IL6R: variants seen among roughly 807,000 people sequenced by gnomAD.
IL6R encodes interleukin-6 receptor subunit alpha.
IL6R carries 38 observed loss-of-function variants against 48.3 expected under a neutral mutation model. That is an observed-to-expected ratio of 0.79 (90% CI 0.61 to 1.03). The LOEUF is 1.03. Among genes scored for constraint, IL6R ranks in the 50% least tolerant of loss-of-function variants. The probability of loss-of-function intolerance (pLI) is 0.00; values close to 1 mark genes in which losing one functional copy is unlikely to be tolerated. For synonymous variants in IL6R, 264 were observed against 256.2 expected (o/e 1.03, Z -0.29); for missense variants, 534 against 618.3 (o/e 0.86, Z 1.45).
intron 1 of IL6R, chr1:154,414,730 G>T: frequency 1.2e-6 from 1 of 809,988 alleles, no homozygotes; most frequent in Non-Finnish European, 2.2e-6. Flanking sequence ...CAGGGACACA[G>T]GGTTTTTGGT....
intron 6 of IL6R, among the ~76,000 whole-genome samples, chr1:154,447,016 C>G (rs533398125): frequency 1.3e-5 from 2 of 152,296 alleles, no homozygotes; most frequent in East Asian, 1.9e-4. Flanking sequence ...TGGCACACGC[C>G]TGTAGTCCCA....
chr1:154,429,709 C>A (rs1689184002), intron 2 of IL6R, among the ~76,000 whole-genome samples: 1 of 152,114 alleles, frequency 6.6e-6, no homozygotes, highest in Non-Finnish European at 1.5e-5. Context: ...CGGAGTCAGG[C>A]AGCCTGGGTT....
chr1:154,413,143 A>G (rs954654321), intron 1 of IL6R, among the ~76,000 whole-genome samples: 1 of 152,022 alleles, frequency 6.6e-6, no homozygotes, highest in Non-Finnish European at 1.5e-5. Flanking sequence ...CTGGGATTAC[A>G]GGCATGCACC....
rs146425297 is a variant in IL6R, at chr1:154,448,245, G to T, written c.996+74G>T. On this transcript the variant is annotated intron_variant, in intron 7 of 9. Coordinates refer to ENST00000368485, the MANE Select transcript of IL6R (RefSeq NM_000565.4). ...TAGGAGTGTGGGCTGATGCCAGACC[G>T]AATTTGGTTTAAATCCAGTTCTGTC... The T allele has an allele frequency of 5.0e-4, 620 of 1,249,598 alleles. 1 individual carries two copies. In the African/African-American group the frequency reaches 7.8e-3, roughly 16 times the overall value. 77.4% of individuals were successfully genotyped at this position (1,249,598 alleles called of 1,614,324 possible).
chr1:154,409,222 A>G (rs1570912796), intron 1 of IL6R, among the ~76,000 whole-genome samples: 2 of 152,222 alleles, frequency 1.3e-5, no homozygotes, highest in Admixed American at 6.5e-5. Flanking sequence ...TCACATTGCT[A>G]GTGGCTACTG....
chr1:154,439,258 A>G (rs1689803052), intron 6 of IL6R, among the ~76,000 whole-genome samples: 1 of 152,208 alleles, frequency 6.6e-6, no homozygotes, highest in Non-Finnish European at 1.5e-5. Context: ...GCTTTTTTAT[A>G]AAGTTTCTTC....
chr1:154,448,062 G>T, intron 6 of IL6R, 63 bp from the exon 7 acceptor site: 1 of 1,315,822 alleles, frequency 7.6e-7, no homozygotes, highest in Non-Finnish European at 1.1e-6. Context: ...TGATGCTGAA[G>T]CCCCTGAGAC....
In IL6R at chr1:154,442,441, G is replaced by A. The variant is rs571581900; in HGVS notation, c.950-5684G>A. 7.2e-5 allele frequency among the ~76,000 whole-genome samples: 11 copies of A among 152,314 alleles called. No individual in the cohort carries two copies. The East Asian group carries it at 1.9e-3, about 27-fold the overall frequency. On this transcript the variant is annotated intron_variant, in intron 6 of 9. Transcript: ENST00000368485. Reference sequence around the variant, plus strand: ...GAGAGCTGCTTGGTGAGGCCGACACGTGTGTGGGTGGGTGGTCTGAGTGGG... The same window carrying A: ...GAGAGCTGCTTGGTGAGGCCGACACATGTGTGGGTGGGTGGTCTGAGTGGG...
At chr1:154,419,863 G>C (rs921795373) in intron 1 of IL6R, among the ~76,000 whole-genome samples, 3 of 152,234 alleles carry the variant, frequency 2.0e-5, no homozygotes, top group Admixed American at 6.5e-5. Context: ...CAACAAAGCT[G>C]TTTGGATTCC....
chr1:154,406,146 C>T (rs1012551898), intron 1 of IL6R, among the ~76,000 whole-genome samples: 1 of 152,220 alleles, frequency 6.6e-6, no homozygotes, highest in Non-Finnish European at 1.5e-5. Flanking sequence ...CGCCCCTCTT[C>T]TCCCTCTGCA....
intron 1 of IL6R, chr1:154,415,192 C>T (rs1239940335): frequency 1.6e-5 from 11 of 693,224 alleles, no homozygotes; most frequent in African/African-American, 8.8e-5. Context: ...GAGCTCAAGG[C>T]GCCGGCTGCA....
At chr1:154,450,110 G>GTA (rs1690497587) in intron 8 of IL6R, 130 bp downstream of exon 8, 39 of 554,444 alleles carry the variant, frequency 7.0e-5, no homozygotes, top group African/African-American at 6.4e-4. Flanking sequence ...TGTTCTGTGT[G>GTA]TGTGTGTGTG....
At chr1:154,447,018 G>C (rs1460605977) in intron 6 of IL6R, among the ~76,000 whole-genome samples, 1 of 152,140 alleles carries the variant, frequency 6.6e-6, no homozygotes, top group Non-Finnish European at 1.5e-5. Flanking sequence ...GCACACGCCT[G>C]TAGTCCCAGA....
Position 154,465,958 on chromosome 1 carries a change from A to G in IL6R, c.*578A>G, listed in dbSNP as rs552083218. ...GCTCTCTCCTCCCTTTCTTCCCTAC[A>G]GTTGAAAAACAGCTGAGGGTGAGTG... On this transcript the variant is annotated 3_prime_UTR_variant, in exon 10 of 10. Coordinates refer to ENST00000368485, the MANE Select transcript of IL6R (RefSeq NM_000565.4). 2 of 156,314 alleles carry G rather than the reference A, an allele frequency of 1.3e-5. No homozygotes were observed. The highest frequency in any genetic ancestry group is 1.3e-4 in the Admixed American group (2 of 15,976). 9.7% of individuals were successfully genotyped at this position (156,314 alleles called of 1,614,324 possible).
intron 1 of IL6R, among the ~76,000 whole-genome samples, chr1:154,425,456 C>T (rs10908836): frequency 0.59 from 90,128 of 151,624 alleles, 27,226 homozygotes; most frequent in African/African-American, 0.68. Context: ...TGAGACTGAA[C>T]GAACTACGTG....
chr1:154,406,770 T>C (rs1295207400), intron 1 of IL6R, among the ~76,000 whole-genome samples: 2 of 152,130 alleles, frequency 1.3e-5, no homozygotes, highest in African/African-American at 4.8e-5. Context: ...TGTCTGAGGC[T>C]CTCTTTGCTT....
intron 3 of IL6R, among the ~76,000 whole-genome samples, chr1:154,432,179 G>A (rs1378305373): frequency 6.6e-6 from 1 of 152,104 alleles, no homozygotes; most frequent in Non-Finnish European, 1.5e-5. Context: ...GCTGCCATTA[G>A]CACTGTCAGC....
At chr1:154,459,951 C>T (rs898468143) in intron 9 of IL6R, among the ~76,000 whole-genome samples, 31 of 152,202 alleles carry the variant, frequency 2.0e-4, no homozygotes, top group Non-Finnish European at 4.1e-4. Context: ...CTTTTGCTAC[C>T]TCCACAGCTG....
At chr1:154,457,334 A>G (rs1457403512) in intron 9 of IL6R, among the ~76,000 whole-genome samples, 1 of 151,624 alleles carries the variant, frequency 6.6e-6, no homozygotes, top group Non-Finnish European at 1.5e-5. Flanking sequence ...AAAAAAAAAA[A>G]AAAAAAAAAA....
Sources: gnomAD v4.1 joint callset for allele counts (sites outside exome capture counted in the v4.1 genomes callset) on GRCh38, gnomAD v4.1.1 for gene constraint, MANE v1.5 for transcripts, NCBI Gene and HGNC (gene_info 2026-07-23, HGNC 2026-07-21) for gene names.